ZNF536: variants seen among roughly 807,000 people sequenced by gnomAD.
The protein encoded by ZNF536 is zinc finger protein 536.
Under a neutral mutation model 84.5 loss-of-function variants are expected in ZNF536, and 13 were observed. The ratio of observed to expected loss-of-function variants is 0.15; its 90% CI spans 0.10 to 0.24. ZNF536 has a LOEUF of 0.24. ZNF536 is among the 10% of genes least tolerant of loss of function. The probability of loss-of-function intolerance (pLI) is 1.00; values close to 1 mark genes in which losing one functional copy is unlikely to be tolerated. For missense variants in ZNF536, 1,536 were observed against 1,747.5 expected (o/e 0.88, Z 2.16); for synonymous variants, 811 against 742.5 (o/e 1.09, Z -1.50).
intron 1 of ZNF536, among the ~76,000 whole-genome samples, chr19:30,600,050 TTTTTTG>T (rs2047628834): frequency 6.6e-6 from 1 of 151,384 alleles, no homozygotes; most frequent in Non-Finnish European, 1.5e-5. Context: ...CTGTTTTTTT[TTTTTTG>T]TTGTTGTTGT....
At chr19:30,439,065 G>A (rs2051886732) in intron 1 of ZNF536, among the ~76,000 whole-genome samples, 1 of 152,140 alleles carries the variant, frequency 6.6e-6, no homozygotes, top group African/African-American at 2.4e-5. Context: ...TAGGATAAAT[G>A]ATGCCTTAGT....
Position 30,622,072 on chromosome 19 carries a change from G to A in ZNF536, c.169+72558G>A, listed in dbSNP as rs1020709175. 5.3e-5 allele frequency among the ~76,000 whole-genome samples: 8 copies of A among 152,258 alleles called. 1 individual carries two copies. The highest frequency in any genetic ancestry group is 7.4e-5 in the Non-Finnish European group (5 of 68,018). On this transcript the variant is annotated intron_variant, in intron 1 of 1. Transcript: ENST00000592773. ...CACCATCAACTTCCCGGCTTGAAAC[G>A]TCCATTTCTCCTGCTGATGCAAGAG...
chr19:30,295,983 C>A (rs1191788491), intron 2 of ZNF536, among the ~76,000 whole-genome samples: 1 of 152,136 alleles, frequency 6.6e-6, no homozygotes, highest in Non-Finnish European at 1.5e-5. Flanking sequence ...TCCATGGGGC[C>A]CAGACCAGTG....
intron 2 of ZNF536, among the ~76,000 whole-genome samples, chr19:30,352,023 T>TA (rs2047947413): frequency 6.6e-6 from 1 of 152,188 alleles, no homozygotes. Flanking sequence ...TAAATAGCAT[T>TA]AAAAGCTGCT....
intron 2 of ZNF536, among the ~76,000 whole-genome samples, chr19:30,321,925 C>G (rs534337270): frequency 1.3e-5 from 2 of 152,170 alleles, no homozygotes; most frequent in African/African-American, 4.8e-5. Flanking sequence ...TATAGGCGTG[C>G]ACCACCATGC....
At chr19:30,355,599 A>G (rs1365214762) in intron 3 of ZNF536, among the ~76,000 whole-genome samples, 1 of 151,864 alleles carries the variant, frequency 6.6e-6, no homozygotes, top group East Asian at 1.9e-4. Context: ...CATTTTTCCC[A>G]GGCTGGTCTT....
intron 2 of ZNF536, chr19:30,296,228 T>C (rs1380494872): frequency 6.6e-6 from 1 of 152,384 alleles, no homozygotes; most frequent in African/African-American, 2.4e-5. Context: ...GGAAGGGCAG[T>C]AGGATTCCCT....
At chr19:30,638,825 T>C (rs1265501489) in intron 1 of ZNF536, among the ~76,000 whole-genome samples, 9 of 152,202 alleles carry the variant, frequency 5.9e-5, no homozygotes, top group Non-Finnish European at 1.2e-4. Flanking sequence ...CAGGACACAT[T>C]GCTGTATTAT....
chr19:30,629,806 G>A (rs1321157976), intron 1 of ZNF536, among the ~76,000 whole-genome samples: 4 of 152,192 alleles, frequency 2.6e-5, no homozygotes, highest in African/African-American at 4.8e-5. Flanking sequence ...TTCCCTTCTG[G>A]GGCCGGGCAG....
intron 1 of ZNF536, among the ~76,000 whole-genome samples, chr19:30,625,416 AATG>A (rs1298621568): frequency 1.2e-4 from 19 of 152,226 alleles, no homozygotes; most frequent in Admixed American, 3.3e-4. Context: ...TAAAATGAGA[AATG>A]ATAATTATTA....
At chr19:30,572,366 A>AG (rs1428727200) in intron 1 of ZNF536, among the ~76,000 whole-genome samples, 3 of 152,096 alleles carry the variant, frequency 2.0e-5, no homozygotes, top group Non-Finnish European at 4.4e-5. Context: ...GGGGCACCCA[A>AG]GGGGGGCAGC....
intron 1 of ZNF536, among the ~76,000 whole-genome samples, chr19:30,702,922 GC>G (rs1443105979): frequency 1.3e-5 from 2 of 152,212 alleles, no homozygotes; most frequent in Non-Finnish European, 2.9e-5. Flanking sequence ...CTCAGTCCTT[GC>G]CCCCGTGGAG....
intron 2 of ZNF536, among the ~76,000 whole-genome samples, chr19:30,485,169 AATAC>A (rs992039022): frequency 5.3e-5 from 8 of 150,574 alleles, no homozygotes; most frequent in Middle Eastern, 3.4e-3. Context: ...TAAATAAATA[AATAC>A]ATAAATACAT....
At chr19:30,312,323 C>T (rs867863541) in intron 2 of ZNF536, among the ~76,000 whole-genome samples, 24 of 152,146 alleles carry the variant, frequency 1.6e-4, no homozygotes, top group Non-Finnish European at 2.6e-4. Flanking sequence ...GAGGGGGACG[C>T]GCCACAACTT....
At chr19:30,531,533 A>T (rs1007651938) in intron 2 of ZNF536, among the ~76,000 whole-genome samples, 2 of 151,284 alleles carry the variant, frequency 1.3e-5, no homozygotes, top group Admixed American at 6.6e-5. Flanking sequence ...ACTTCTAATG[A>T]TCTTGCTGTC....
At chr19:30,254,030 AG>A (rs1568532069) in intron 1 of ZNF536, among the ~76,000 whole-genome samples, 1 of 152,144 alleles carries the variant, frequency 6.6e-6, no homozygotes, top group East Asian at 1.9e-4. Flanking sequence ...TCAAAAGTGG[AG>A]GGGGGTGTGG....
chr19:30,301,099 G>A (rs1470995666), intron 2 of ZNF536, among the ~76,000 whole-genome samples: 4 of 152,152 alleles, frequency 2.6e-5, no homozygotes, highest in Admixed American at 1.3e-4. Context: ...TCATCACAAC[G>A]GAAAGTCAGC....
intron 2 of ZNF536, among the ~76,000 whole-genome samples, chr19:30,294,291 C>A (rs1345614952): frequency 2.6e-5 from 4 of 152,060 alleles, no homozygotes; most frequent in African/African-American, 9.7e-5. Context: ...TTCCCTACCC[C>A]CAAGTCATTT....
chr19:30,295,112 A>T (rs952382633), intron 2 of ZNF536, among the ~76,000 whole-genome samples: 4 of 152,186 alleles, frequency 2.6e-5, no homozygotes, highest in African/African-American at 9.7e-5. Context: ...GATTCAGCAC[A>T]TCTAGGGGAA....
Sources: allele counts gnomAD v4.1 joint callset (sites outside exome capture counted in the v4.1 genomes callset), GRCh38; gene constraint gnomAD v4.1.1; transcripts MANE v1.5; gene names NCBI Gene and HGNC (gene_info 2026-07-23, HGNC 2026-07-21).